Variants in GRID2 observed in about 807,000 individuals in gnomAD.
GRID2 encodes the protein glutamate ionotropic receptor delta type subunit 2.
Under a neutral mutation model 114.8 loss-of-function variants are expected in GRID2, and 33 were observed. The observed-to-expected ratio is 0.29, with a 90% CI of 0.22 to 0.38. GRID2 has a LOEUF of 0.38. GRID2 is among the 10% of genes least tolerant of loss of function. The pLI is 1.00. For missense variants in GRID2, 1,184 were observed against 1,257.7 expected (o/e 0.94, Z 0.89); for synonymous variants, 505 against 449.9 (o/e 1.12, Z -1.55).
At chr4:92,533,165 A>G (rs1337632348) in intron 1 of GRID2, among the ~76,000 whole-genome samples, 1 of 151,654 alleles carries the variant, frequency 6.6e-6, no homozygotes, top group Non-Finnish European at 1.5e-5. Context: ...GTATGCAACT[A>G]ACTGCACAAC....
rs1412976885 is a variant in GRID2, at chr4:92,864,795, C to A, written c.245-220200C>A. On this transcript the variant is annotated intron_variant, in intron 2 of 15. Coordinates refer to ENST00000282020, the MANE Select transcript of GRID2 (RefSeq NM_001510.4). ...ACTACTGTGAAGATAATGGTAGTAC[C>A]TGGATAAACAAAGACATCTTATCTC... Among the ~76,000 whole-genome samples, 4 of 152,098 alleles carry A rather than the reference C, an allele frequency of 2.6e-5. No individual in the cohort carries two copies. In the East Asian group the frequency reaches 7.7e-4, roughly 29 times the overall value.
At chr4:93,329,010 G>A (rs898962213) in intron 8 of GRID2, among the ~76,000 whole-genome samples, 3 of 151,990 alleles carry the variant, frequency 2.0e-5, no homozygotes, top group African/African-American at 7.3e-5. Flanking sequence ...CCTTCATATA[G>A]GAGATGTTCA....
chr4:93,212,988 G>A (rs562882582), intron 5 of GRID2, among the ~76,000 whole-genome samples: 1 of 152,180 alleles, frequency 6.6e-6, no homozygotes. Context: ...GGCCAGGCTG[G>A]TCTCGAACTC....
At chr4:93,072,800 A>G (rs1329459208) in intron 2 of GRID2, among the ~76,000 whole-genome samples, 1 of 152,216 alleles carries the variant, frequency 6.6e-6, no homozygotes, top group Non-Finnish European at 1.5e-5. Context: ...TTACCACTAT[A>G]AAATTTACAC....
chr4:93,056,377 G>A (rs1487061174), intron 2 of GRID2, among the ~76,000 whole-genome samples: 10 of 151,708 alleles, frequency 6.6e-5, no homozygotes, highest in African/African-American at 2.4e-4. Flanking sequence ...GTTCTCAAAG[G>A]AAATAATAGT....
intron 1 of GRID2, among the ~76,000 whole-genome samples, chr4:92,434,419 C>G (rs1254433354): frequency 6.6e-6 from 1 of 152,208 alleles, no homozygotes; most frequent in East Asian, 1.9e-4. Context: ...TAAACATAAC[C>G]TAACAATGCA....
chr4:92,974,756 G>A (rs1189625514), intron 2 of GRID2, among the ~76,000 whole-genome samples: 2 of 152,044 alleles, frequency 1.3e-5, no homozygotes, highest in Non-Finnish European at 2.9e-5. Context: ...GATGGGTTCA[G>A]CAAACCACCA....
chr4:93,614,118 T>C (rs1488834767), intron 13 of GRID2, among the ~76,000 whole-genome samples: 1 of 152,148 alleles, frequency 6.6e-6, no homozygotes, highest in African/African-American at 2.4e-5. Context: ...GAAAGGGAAC[T>C]CCCTGACCCC....
chr4:92,952,330 GTTC>G (rs2149136161), intron 2 of GRID2, among the ~76,000 whole-genome samples: 2 of 152,118 alleles, frequency 1.3e-5, no homozygotes, highest in Admixed American at 1.3e-4. Context: ...ATTTCATTGT[GTTC>G]TTTTTATCAA....
intron 4 of GRID2, among the ~76,000 whole-genome samples, chr4:93,145,472 T>A (rs1369359294): frequency 3.3e-5 from 3 of 90,260 alleles, no homozygotes; most frequent in Non-Finnish European, 1.9e-5. Context: ...TATTTATTTA[T>A]TTTTTTTTGA....
At chr4:93,724,456 G>A (rs1410149163) in intron 14 of GRID2, among the ~76,000 whole-genome samples, 1 of 152,050 alleles carries the variant, frequency 6.6e-6, no homozygotes, top group Non-Finnish European at 1.5e-5. Flanking sequence ...TTGTAGGTAT[G>A]TAATATTTTA....
intron 2 of GRID2, among the ~76,000 whole-genome samples, chr4:92,973,390 G>A (rs2149174808): frequency 6.6e-6 from 1 of 152,188 alleles, no homozygotes; most frequent in Non-Finnish European, 1.5e-5. Context: ...TACAATAGGT[G>A]GCATTTATGG....
At chr4:93,033,106 G>A (rs867444712) in intron 2 of GRID2, among the ~76,000 whole-genome samples, 15 of 152,162 alleles carry the variant, frequency 9.9e-5, no homozygotes, top group Middle Eastern at 3.4e-3. Context: ...CACACACAAC[G>A]ATAGACCTAT....
intron 1 of GRID2, among the ~76,000 whole-genome samples, chr4:92,535,713 G>C (rs915715300): frequency 2.0e-5 from 3 of 152,156 alleles, no homozygotes; most frequent in African/African-American, 7.2e-5. Context: ...ATTGTGTCTG[G>C]AACTGGTTCC....
At chr4:93,745,346 T>C (rs1291190597) in intron 14 of GRID2, among the ~76,000 whole-genome samples, 2 of 152,204 alleles carry the variant, frequency 1.3e-5, no homozygotes, top group Non-Finnish European at 2.9e-5. Context: ...ATCAATTCAA[T>C]GAGAGAAAAA....
intron 8 of GRID2, among the ~76,000 whole-genome samples, chr4:93,345,819 T>G (rs1309768352): frequency 6.6e-6 from 1 of 152,092 alleles, no homozygotes; most frequent in Non-Finnish European, 1.5e-5. Flanking sequence ...TGATTTTTAT[T>G]TTTAGTGTGA....
intron 2 of GRID2, among the ~76,000 whole-genome samples, chr4:92,899,156 A>G (rs983466769): frequency 6.6e-6 from 1 of 152,110 alleles, no homozygotes; most frequent in Non-Finnish European, 1.5e-5. Context: ...CAAACACGTT[A>G]ATTTTAATAA....
chr4:92,969,631 T>A (rs1008811746), intron 2 of GRID2, among the ~76,000 whole-genome samples: 1 of 151,632 alleles, frequency 6.6e-6, no homozygotes, highest in African/African-American at 2.4e-5. Context: ...GAGACTCAGA[T>A]TAAAGAAAGT....
chr4:93,527,411 G>T (rs941692107), intron 13 of GRID2, among the ~76,000 whole-genome samples: 2 of 152,034 alleles, frequency 1.3e-5, no homozygotes, highest in African/African-American at 4.8e-5. Context: ...GTGTTTGGGG[G>T]AAATAAATAT....
Sources: gnomAD v4.1 joint callset for allele counts (sites outside exome capture counted in the v4.1 genomes callset) on GRCh38, gnomAD v4.1.1 for gene constraint, MANE v1.5 for transcripts, NCBI Gene and HGNC (gene_info 2026-07-23, HGNC 2026-07-21) for gene names.